Variants in CTNNA3 observed in about 807,000 individuals in gnomAD.
CTNNA3 encodes the protein catenin alpha 3.
In CTNNA3, 76 loss-of-function variants were observed where a neutral mutation model predicts 95.7. The ratio of observed to expected loss-of-function variants is 0.79; its 90% CI spans 0.66 to 0.96. The LOEUF (loss-of-function observed/expected upper bound fraction) is 0.96. Among genes scored for constraint, CTNNA3 ranks in the 40% least tolerant of loss-of-function variants. The pLI is 0.00. For synonymous variants in CTNNA3, 431 were observed against 374.4 expected (o/e 1.15, Z -1.74); for missense variants, 1,191 against 1,089.8 (o/e 1.09, Z -1.31).
intron 9 of CTNNA3, among the ~76,000 whole-genome samples, chr10:66,629,629 C>T (rs1845062191): frequency 6.6e-6 from 1 of 152,078 alleles, no homozygotes; most frequent in African/African-American, 2.4e-5. Context: ...TTGGTTCCCC[C>T]ATCATCACCT....
At chr10:67,612,692 T>C (rs1843499520) in intron 2 of CTNNA3, among the ~76,000 whole-genome samples, 1 of 152,134 alleles carries the variant, frequency 6.6e-6, no homozygotes, top group Non-Finnish European at 1.5e-5. Flanking sequence ...CCTTTGCCCA[T>C]CAACCTGCCT....
At chr10:67,369,558 G>C (rs1326531248) in intron 5 of CTNNA3, among the ~76,000 whole-genome samples, 2 of 151,956 alleles carry the variant, frequency 1.3e-5, no homozygotes, top group Non-Finnish European at 2.9e-5. Flanking sequence ...AAATTCAAAA[G>C]ACAACAATCT....
chr10:67,311,398 G>T (rs1390368102), intron 5 of CTNNA3, among the ~76,000 whole-genome samples: 1 of 152,034 alleles, frequency 6.6e-6, no homozygotes, highest in Admixed American at 6.6e-5. Context: ...CAAGAAAAAT[G>T]GTATTAAAAC....
At chr10:67,208,201 T>C (rs919928038) in intron 6 of CTNNA3, among the ~76,000 whole-genome samples, 2 of 151,434 alleles carry the variant, frequency 1.3e-5, no homozygotes, top group African/African-American at 4.9e-5. Flanking sequence ...TGAAACCACG[T>C]CTCTACTAAA....
chr10:66,750,682 A>G (rs1409411568), intron 9 of CTNNA3, among the ~76,000 whole-genome samples: 1 of 152,152 alleles, frequency 6.6e-6, no homozygotes, highest in Non-Finnish European at 1.5e-5. Context: ...TTCAATATTG[A>G]GTTGGCTATT....
At chr10:67,709,494 A>C (rs1223511228) in intron 1 of CTNNA3, among the ~76,000 whole-genome samples, 2 of 152,268 alleles carry the variant, frequency 1.3e-5, no homozygotes, top group East Asian at 3.9e-4. Context: ...CTTGCTTGAC[A>C]AAACTGTAGC....
chr10:67,602,479 C>T (rs1478152985), intron 3 of CTNNA3, among the ~76,000 whole-genome samples: 1 of 152,146 alleles, frequency 6.6e-6, no homozygotes, highest in African/African-American at 2.4e-5. Context: ...ATAAATCACA[C>T]AGTAAAGCAT....
rs567718208 is a variant in CTNNA3 at position 67,200,107 on chromosome 10, C to T, written c.843+19500G>A. 2.3e-3 allele frequency among the ~76,000 whole-genome samples: 350 copies of T among 151,976 alleles called. 6 individuals carry two copies. Among genetic ancestry groups the T allele is most frequent in the Non-Finnish European group, 7.2e-4 (49 of 68,016 alleles). On this transcript the variant is annotated intron_variant, in intron 6 of 17. Coordinates refer to ENST00000433211, the MANE Select transcript of CTNNA3 (RefSeq NM_013266.4). Reference sequence around the variant, plus strand: ...CAAGCAGGGGCACATATCACAATAGCGAACAGGAGAGATATATTGGGTCCT... The same window carrying T: ...CAAGCAGGGGCACATATCACAATAGTGAACAGGAGAGATATATTGGGTCCT...
intron 6 of CTNNA3, among the ~76,000 whole-genome samples, chr10:67,187,768 T>A (rs977473143): frequency 6.6e-6 from 1 of 152,084 alleles, no homozygotes; most frequent in Non-Finnish European, 1.5e-5. Context: ...GTAATTTTTG[T>A]AGAGATGGGG....
At chr10:66,435,139 A>G (rs2093327754) in intron 11 of CTNNA3, among the ~76,000 whole-genome samples, 2 of 152,102 alleles carry the variant, frequency 1.3e-5, no homozygotes, top group Admixed American at 1.3e-4. Context: ...AGGTTTTGGT[A>G]TCAGGATGAT....
At chr10:65,970,100 G>A (rs2078062113) in intron 16 of CTNNA3, among the ~76,000 whole-genome samples, 2 of 152,104 alleles carry the variant, frequency 1.3e-5, no homozygotes, top group South Asian at 2.1e-4. Flanking sequence ...TTTATAAGCC[G>A]AGACAGATTG....
At chr10:67,317,110 T>C (rs1285649146) in intron 5 of CTNNA3, among the ~76,000 whole-genome samples, 2 of 152,190 alleles carry the variant, frequency 1.3e-5, no homozygotes, top group African/African-American at 4.8e-5. Context: ...AAGAAAAAAT[T>C]AGATAGCAAT....
At chr10:66,448,533 T>C (rs971471330) in intron 11 of CTNNA3, among the ~76,000 whole-genome samples, 7 of 152,138 alleles carry the variant, frequency 4.6e-5, no homozygotes, top group African/African-American at 1.7e-4. Context: ...TGTAGGGACA[T>C]GGATGAAACT....
At chr10:66,391,975 G>T (rs1227988733) in intron 11 of CTNNA3, among the ~76,000 whole-genome samples, 6 of 151,930 alleles carry the variant, frequency 3.9e-5, no homozygotes, top group Non-Finnish European at 8.8e-5. Flanking sequence ...GTACTACAAA[G>T]CTTCTGTAAG....
chr10:67,539,534 T>C lies in CTNNA3; in HGVS notation c.428A>G (p.Asp143Gly). 6.2e-7 allele frequency: 1 copy of C among 1,613,610 alleles called. No homozygotes were observed. Among genetic ancestry groups the C allele is most frequent in the Non-Finnish European group, 8.5e-7 (1 of 1,179,674 alleles). The change falls in exon 4 of 18, where the codon GAT becomes GGT. Residue 143 changes from aspartate (D) to glycine (G), a missense_variant. Physicochemically the swap from Asp to Gly is moderately conservative, Grantham distance 94. Coordinates refer to ENST00000433211, the MANE Select transcript of CTNNA3 (RefSeq NM_013266.4). ...CACATGTTGCAAGAGGCACATGACATCAATCATGTCCGCAAGGATAAGGAG... is the reference window on the plus strand; with the variant it reads ...CACATGTTGCAAGAGGCACATGACACCAATCATGTCCGCAAGGATAAGGAG... ...TRLLILADMI[D>G]VMCLLQHVSA...
chr10:66,958,024 T>G (rs1035887275), intron 7 of CTNNA3, among the ~76,000 whole-genome samples: 6 of 152,006 alleles, frequency 3.9e-5, no homozygotes, highest in South Asian at 4.1e-4. Flanking sequence ...TACATAGAAC[T>G]AGAGGGGCCA....
intron 7 of CTNNA3, among the ~76,000 whole-genome samples, chr10:66,853,921 ATG>A (rs1843593242): frequency 6.6e-6 from 1 of 152,120 alleles, no homozygotes; most frequent in East Asian, 1.9e-4. Context: ...AATGCACTGA[ATG>A]TGCAATTGTT....
chr10:67,185,078 G>A (rs1862768728), intron 6 of CTNNA3, among the ~76,000 whole-genome samples: 1 of 151,976 alleles, frequency 6.6e-6, no homozygotes, highest in African/African-American at 2.4e-5. Context: ...TTAAAAGCAT[G>A]CAGGAGAATT....
chr10:66,690,959 T>A (rs141977590), intron 9 of CTNNA3, among the ~76,000 whole-genome samples: 1 of 152,154 alleles, frequency 6.6e-6, no homozygotes, highest in Non-Finnish European at 1.5e-5. Context: ...AGTGTTCCTA[T>A]TTCTCCACAT....
Sources: allele counts gnomAD v4.1 joint callset (sites outside exome capture counted in the v4.1 genomes callset), GRCh38; gene constraint gnomAD v4.1.1; transcripts MANE v1.5; gene names NCBI Gene and HGNC (gene_info 2026-07-23, HGNC 2026-07-21).